Variants in MTCL1 observed in about 807,000 individuals in gnomAD.
The protein encoded by MTCL1 is microtubule cross-linking factor 1.
MTCL1 carries 79 observed loss-of-function variants against 141.4 expected under a neutral mutation model. The observed-to-expected ratio is 0.56, with a 90% CI of 0.47 to 0.67. MTCL1 has a LOEUF of 0.67. MTCL1 is among the 30% of genes least tolerant of loss of function. The probability of loss-of-function intolerance (pLI) is 0.00; values close to 1 mark genes in which losing one functional copy is unlikely to be tolerated. For synonymous variants in MTCL1, 914 were observed against 875.8 expected (o/e 1.04, Z -0.77); for missense variants, 2,177 against 2,113.9 (o/e 1.03, Z -0.59).
chr18:8,737,575 C>T (rs1238478789), intron 4 of MTCL1, among the ~76,000 whole-genome samples: 1 of 152,206 alleles, frequency 6.6e-6, no homozygotes, highest in Non-Finnish European at 1.5e-5. Flanking sequence ...ATCGAAGATG[C>T]CAAGCAGGTG....
Position 8,752,560 on chromosome 18 carries a change from A to C in MTCL1, c.358-25273A>C, listed in dbSNP as rs115872407. 9.0e-3 allele frequency among the ~76,000 whole-genome samples: 1,378 copies of C among 152,336 alleles called. 22 individuals carry two copies. The highest frequency in any genetic ancestry group is 0.029 in the African/African-American group (1,207 of 41,570). The stretch of plus-strand genomic sequence containing the variant: ...AAAGAGTGCAAATGTCTGCTGTCTT[A>C]GAGGGCTGAGTTTGTATGCTACAGA... On this transcript the variant is annotated intron_variant, in intron 4 of 16. Transcript: ENST00000359865.
At chr18:8,735,710 G>A (rs1426363934) in intron 4 of MTCL1, among the ~76,000 whole-genome samples, 1 of 152,148 alleles carries the variant, frequency 6.6e-6, no homozygotes, top group East Asian at 1.9e-4. Context: ...CTGAATGAGT[G>A]AAGGCCCGCT....
At position 8,725,939 on chromosome 18, in the gene MTCL1, G is replaced by A. The variant is rs539264484; in HGVS notation, c.357+5443G>A. On this transcript the variant is annotated intron_variant, in intron 4 of 16. Transcript: ENST00000359865. ...GGAGCAGCTGGGACTACAGGCACCC[G>A]CCACCACGCCCGGCTAATTTTTTTT... Among the ~76,000 whole-genome samples the A allele has an allele frequency of 3.7e-3, 563 of 151,592 alleles. 2 individuals carry two copies. The highest frequency in any genetic ancestry group is 6.8e-3 in the Non-Finnish European group (462 of 67,826).
intron 10 of MTCL1, among the ~76,000 whole-genome samples, chr18:8,803,421 T>A (rs2076188239): frequency 6.6e-6 from 1 of 152,172 alleles, no homozygotes; most frequent in Non-Finnish European, 1.5e-5. Context: ...ATTTAGTACA[T>A]CCCCTGGCCA....
chr18:8,825,466 C>A, exon 15 of MTCL1: 1 of 1,603,642 alleles, frequency 6.2e-7, no homozygotes, highest in Non-Finnish European at 8.5e-7. Context: ...ACGATGGGGA[C>A]CCAGACTGTT....
chr18:8,798,376 G>A (rs606431), intron 10 of MTCL1, 85 bp downstream of exon 9: 817,604 of 1,191,422 alleles, frequency 0.69, 281,843 homozygotes, highest in Admixed American at 0.8. Context: ...TTTGTTTCCA[G>A]TGTTGGCATT....
rs2076287285 is a variant in MTCL1 at position 8,806,075 on chromosome 18, CATG to C, written c.2437-816_2437-814del. 2.6e-5 allele frequency among the ~76,000 whole-genome samples: 4 copies of C among 152,262 alleles called. No individual in the cohort carries two copies. The South Asian group carries it at 8.3e-4, about 32-fold the overall frequency. ...TTACCAGACACATTTGCATGCTTAA[CATG>C]AGCCAAGGATTGTGCCAAATACTGG... On this transcript the variant is annotated intron_variant, in intron 10 of 16. Coordinates refer to ENST00000359865, the Ensembl canonical transcript of MTCL1.
At chr18:8,792,663 C>G (rs966123347) in intron 7 of MTCL1, among the ~76,000 whole-genome samples, 1 of 152,216 alleles carries the variant, frequency 6.6e-6, no homozygotes, top group African/African-American at 2.4e-5. Context: ...TCCCGGCGTC[C>G]AGAAGCCACT....
intron 4 of MTCL1, among the ~76,000 whole-genome samples, chr18:8,760,892 G>A (rs1001523875): frequency 6.6e-6 from 1 of 152,200 alleles, no homozygotes; most frequent in African/African-American, 2.4e-5. Context: ...ATTGAGAAAT[G>A]ATGACTTCTT....
At chr18:8,821,697 G>A (rs918937314) in intron 14 of MTCL1, among the ~76,000 whole-genome samples, 199 bp downstream of exon 13, 1 of 152,174 alleles carries the variant, frequency 6.6e-6, no homozygotes, top group African/African-American at 2.4e-5. Flanking sequence ...TAGACGTGCT[G>A]TGTCACATGT....
rs551421164 is a variant in MTCL1 at position 8,718,350 on chromosome 18, G to A, written c.-27-74G>A. 2.5e-4 allele frequency: 347 copies of A among 1,380,486 alleles called. 1 individual carries two copies. Among genetic ancestry groups the A allele is most frequent in the Admixed American group, 6.1e-4 (34 of 55,858 alleles). 85.5% of individuals were successfully genotyped at this position (1,380,486 alleles called of 1,614,324 possible). ...TATTCAATATTTAGTATTGAGGAGC[G>A]GGTATGAAGGAGAGACATGCCATCC... On this transcript the variant is annotated intron_variant, in intron 2 of 16. Coordinates refer to ENST00000359865, the Ensembl canonical transcript of MTCL1.
chr18:8,763,853 T>C (rs779582963), intron 4 of MTCL1, among the ~76,000 whole-genome samples: 1 of 152,220 alleles, frequency 6.6e-6, no homozygotes, highest in African/African-American at 2.4e-5. Flanking sequence ...GTGGAAAATC[T>C]GACCCACTTA....
At position 8,822,539 on chromosome 18, in the gene MTCL1, C is replaced by A. The variant is rs2076880428; in HGVS notation, c.3188+1041C>A. 6.6e-6 allele frequency among the ~76,000 whole-genome samples: 1 copy of A among 152,150 alleles called. No individual in the cohort carries two copies. Among genetic ancestry groups the A allele is most frequent in the African/African-American group, 2.4e-5 (1 of 41,424 alleles). On this transcript the variant is annotated intron_variant, in intron 14 of 16. Coordinates refer to ENST00000359865, the Ensembl canonical transcript of MTCL1. The surrounding 1 kb of genome is among the most constrained non-coding windows in gnomAD (Gnocchi z 4.6). ...TTCCTGACCTCAGGTGATCCACCCGCCTCAGCCTCCCGAAGTGCTGGGATT... is the reference window on the plus strand; with the variant it reads ...TTCCTGACCTCAGGTGATCCACCCGACTCAGCCTCCCGAAGTGCTGGGATT...
intron 4 of MTCL1, among the ~76,000 whole-genome samples, chr18:8,754,214 G>A (rs960289548): frequency 2.6e-5 from 4 of 152,104 alleles, no homozygotes; most frequent in Non-Finnish European, 2.9e-5. Context: ...GGGATCACAG[G>A]TGTGCACCAC....
At chr18:8,716,462 T>C (rs2096128786), upstream of MTCL1, among the ~76,000 whole-genome samples, 1 of 152,222 alleles carries the variant, frequency 6.6e-6, no homozygotes, top group South Asian at 2.1e-4. Flanking sequence ...CACCCCATTT[T>C]GTGCCAACCC....
intron 6 of MTCL1, 85 bp downstream of exon 5, chr18:8,784,928 C>G: frequency 8.2e-7 from 1 of 1,219,710 alleles, no homozygotes; most frequent in Non-Finnish European, 1.1e-6. Flanking sequence ...GCTCACGCTG[C>G]TCACGGCTGC....
intron 4 of MTCL1, among the ~76,000 whole-genome samples, chr18:8,758,066 G>A (rs185344003): frequency 1.9e-4 from 27 of 145,054 alleles, no homozygotes; most frequent in African/African-American, 6.1e-4. Context: ...CTTGTTGCCC[G>A]GGCTGGAGAG....
intron 4 of MTCL1, among the ~76,000 whole-genome samples, chr18:8,739,369 C>T (rs55706291): frequency 0.26 from 39,054 of 152,128 alleles, 5,254 homozygotes; most frequent in Middle Eastern, 0.38. Context: ...TTGGGGTGGG[C>T]GTGCATGCGC....
At chr18:8,813,547 G>A (rs1343458966) in intron 12 of MTCL1, among the ~76,000 whole-genome samples, 1 of 152,198 alleles carries the variant, frequency 6.6e-6, no homozygotes, top group African/African-American at 2.4e-5. Flanking sequence ...AGACTAAACT[G>A]GAAAGAGGAG....
Sources: allele counts gnomAD v4.1 joint callset (sites outside exome capture counted in the v4.1 genomes callset), GRCh38; gene constraint gnomAD v4.1.1; non-coding constraint Gnocchi (gnomAD v3.1); transcripts MANE v1.5; gene names NCBI Gene and HGNC (gene_info 2026-07-23, HGNC 2026-07-21).